The following MACROD2 variants were observed in gnomAD, a reference collection of about 807,000 sequenced individuals.
MACROD2 encodes the protein mono-ADP ribosylhydrolase 2, also known as ADP-ribose glycohydrolase MACROD2.
Under a neutral mutation model 70.4 loss-of-function variants are expected in MACROD2, and 36 were observed. The observed-to-expected ratio is 0.51, with a 90% CI of 0.39 to 0.68. The LOEUF (loss-of-function observed/expected upper bound fraction) is 0.68. Among genes scored for constraint, MACROD2 ranks in the 30% least tolerant of loss-of-function variants. MACROD2 has a pLI of 0.00. For missense variants in MACROD2, 496 were observed against 538.4 expected (o/e 0.92, Z 0.78); for synonymous variants, 172 against 178.8 (o/e 0.96, Z 0.30).
intron 10 of MACROD2, among the ~76,000 whole-genome samples, chr20:15,908,654 ACCTTT>A (rs1000718149): frequency 1.1e-4 from 16 of 152,010 alleles, no homozygotes; most frequent in African/African-American, 3.9e-4. Context: ...CTGGACTCTT[ACCTTT>A]CTTTTATTTC....
At chr20:14,958,875 C>G (rs748625197) in intron 5 of MACROD2, among the ~76,000 whole-genome samples, 1 of 152,100 alleles carries the variant, frequency 6.6e-6, no homozygotes, top group Non-Finnish European at 1.5e-5. Context: ...ATTTGCATTT[C>G]TAACACACTC....
chr20:14,911,105 C>G (rs1403007359), intron 5 of MACROD2, among the ~76,000 whole-genome samples: 1 of 152,118 alleles, frequency 6.6e-6, no homozygotes, highest in Non-Finnish European at 1.5e-5. Context: ...TATGAGTATG[C>G]TTCACACATT....
intron 8 of MACROD2, among the ~76,000 whole-genome samples, chr20:15,849,856 C>G (rs1215209453): frequency 6.6e-6 from 1 of 151,952 alleles, no homozygotes; most frequent in Non-Finnish European, 1.5e-5. Flanking sequence ...AACAATGGCT[C>G]CATGGTTGGA....
At chr20:15,364,465 GT>G (rs1266283830) in intron 6 of MACROD2, among the ~76,000 whole-genome samples, 2 of 152,130 alleles carry the variant, frequency 1.3e-5, no homozygotes, top group African/African-American at 4.8e-5. Context: ...ATATTGTCTA[GT>G]TTATTAAGCA....
intron 8 of MACROD2, among the ~76,000 whole-genome samples, chr20:15,838,557 A>G (rs1440410359): frequency 6.6e-6 from 1 of 152,110 alleles, no homozygotes; most frequent in Admixed American, 6.5e-5. Flanking sequence ...TTCTTCAGCA[A>G]TTGTATTTCA....
At chr20:14,130,109 T>C (rs1047532548) in intron 3 of MACROD2, among the ~76,000 whole-genome samples, 7 of 152,126 alleles carry the variant, frequency 4.6e-5, no homozygotes, top group African/African-American at 1.7e-4. Context: ...GGGGACTCAG[T>C]TAAAGTGAGT....
intron 5 of MACROD2, among the ~76,000 whole-genome samples, chr20:14,906,887 G>A (rs1459270170): frequency 1.3e-5 from 2 of 152,146 alleles, no homozygotes; most frequent in Admixed American, 6.5e-5. Flanking sequence ...GGGTGCTGAG[G>A]TAAAGAAATA....
chr20:14,633,144 A>T (rs1984605188), intron 4 of MACROD2, among the ~76,000 whole-genome samples: 1 of 151,948 alleles, frequency 6.6e-6, no homozygotes. Flanking sequence ...TGGTTGCATC[A>T]CTCCAGTCTC....
intron 3 of MACROD2, among the ~76,000 whole-genome samples, chr20:14,490,740 G>C (rs2084784742): frequency 6.6e-6 from 1 of 152,082 alleles, no homozygotes; most frequent in Non-Finnish European, 1.5e-5. Flanking sequence ...AATTTAGATA[G>C]GGACATAAAT....
intron 3 of MACROD2, among the ~76,000 whole-genome samples, chr20:14,375,239 G>A (rs2083360861): frequency 6.6e-6 from 1 of 151,992 alleles, no homozygotes; most frequent in Non-Finnish European, 1.5e-5. Context: ...AAAATATTAA[G>A]TGAGGTGAAA....
intron 8 of MACROD2, among the ~76,000 whole-genome samples, chr20:15,659,977 C>CT (rs1401691908): frequency 6.6e-6 from 1 of 152,080 alleles, no homozygotes; most frequent in Non-Finnish European, 1.5e-5. Context: ...ATATTGATTA[C>CT]TGTCTACCAC....
chr20:15,693,381 T>G (rs1432571693), intron 8 of MACROD2, among the ~76,000 whole-genome samples: 1 of 152,186 alleles, frequency 6.6e-6, no homozygotes, highest in Non-Finnish European at 1.5e-5. Context: ...TGTAGTAGTA[T>G]TTTGCTGTTT....
intron 7 of MACROD2, among the ~76,000 whole-genome samples, chr20:15,487,414 C>T (rs1397021410): frequency 6.6e-6 from 1 of 152,156 alleles, no homozygotes; most frequent in African/African-American, 2.4e-5. Context: ...TGATGTCCTC[C>T]AGCAGATTTT....
At chr20:14,382,623 G>A (rs982076090) in intron 3 of MACROD2, among the ~76,000 whole-genome samples, 1 of 151,908 alleles carries the variant, frequency 6.6e-6, no homozygotes, top group African/African-American at 2.4e-5. Flanking sequence ...AGCTGAGATC[G>A]TGCCACTGCA....
intron 8 of MACROD2, among the ~76,000 whole-genome samples, chr20:15,618,744 C>T (rs964112194): frequency 6.6e-5 from 10 of 152,166 alleles, no homozygotes; most frequent in Middle Eastern, 3.2e-3. Flanking sequence ...CATCACAGGA[C>T]TTGTAACTGC....
chr20:15,240,447 G>A (rs2077051211), intron 6 of MACROD2, among the ~76,000 whole-genome samples: 2 of 152,036 alleles, frequency 1.3e-5, no homozygotes, highest in African/African-American at 2.4e-5. Context: ...TGCACACCTA[G>A]AGTCCCAGCT....
At chr20:14,564,859 C>A (rs1488150524) in intron 4 of MACROD2, among the ~76,000 whole-genome samples, 2 of 151,848 alleles carry the variant, frequency 1.3e-5, no homozygotes, top group African/African-American at 4.8e-5. Flanking sequence ...GAAAATAAAT[C>A]ATTATATCAA....
At chr20:15,548,149 T>A (rs1420745130) in intron 8 of MACROD2, among the ~76,000 whole-genome samples, 1 of 152,184 alleles carries the variant, frequency 6.6e-6, no homozygotes, top group East Asian at 1.9e-4. Context: ...TAATATTTCT[T>A]TTGGAAACAG....
At chr20:14,413,708 G>T (rs1025668112) in intron 3 of MACROD2, among the ~76,000 whole-genome samples, 2 of 152,098 alleles carry the variant, frequency 1.3e-5, no homozygotes, top group African/African-American at 2.4e-5. Context: ...AAATCAATAT[G>T]GTGTAGAGTT....
Sources: allele counts gnomAD v4.1 joint callset (sites outside exome capture counted in the v4.1 genomes callset), GRCh38; gene constraint gnomAD v4.1.1; transcripts MANE v1.5; gene names NCBI Gene and HGNC (gene_info 2026-07-23, HGNC 2026-07-21).